The following INPP4B variants were observed in gnomAD, a reference collection of about 807,000 sequenced individuals.
INPP4B encodes the protein inositol polyphosphate-4-phosphatase type II B, also known as inositol polyphosphate 4-phosphatase type II.
In INPP4B, 55 loss-of-function variants were observed where a neutral mutation model predicts 122.5. That is an observed-to-expected ratio of 0.45 (90% CI 0.36 to 0.56). The LOEUF (loss-of-function observed/expected upper bound fraction) is 0.56. INPP4B is among the 20% of genes least tolerant of loss of function. The pLI, the probability that INPP4B is intolerant of heterozygous loss-of-function variation, is 0.00. For synonymous variants in INPP4B, 403 were observed against 388.7 expected (o/e 1.04, Z -0.43); for missense variants, 1,000 against 1,097.7 (o/e 0.91, Z 1.26).
At chr4:142,334,403 T>C (rs193270171) in intron 7 of INPP4B, among the ~76,000 whole-genome samples, 2 of 152,320 alleles carry the variant, frequency 1.3e-5, no homozygotes, top group African/African-American at 4.8e-5. Context: ...TGAATAATGC[T>C]GCAATGAACA....
chr4:142,220,131 T>A (rs143674588), intron 12 of INPP4B, among the ~76,000 whole-genome samples: 3 of 152,302 alleles, frequency 2.0e-5, no homozygotes, highest in African/African-American at 7.2e-5. Flanking sequence ...ACATTGCCAG[T>A]AAATGGTAGA....
chr4:142,734,233 C>A (rs1489644943), intron 1 of INPP4B, among the ~76,000 whole-genome samples: 1 of 152,166 alleles, frequency 6.6e-6, no homozygotes, highest in Non-Finnish European at 1.5e-5. Flanking sequence ...ATACTGTCTG[C>A]AAGTCAAGGT....
intron 14 of INPP4B, among the ~76,000 whole-genome samples, chr4:142,204,775 C>G (rs1841993274): frequency 6.6e-6 from 1 of 151,972 alleles, no homozygotes; most frequent in Non-Finnish European, 1.5e-5. Context: ...GCCAGCAAAC[C>G]AGCAGATACC....
At chr4:142,139,703 T>C (rs1806723029) in intron 18 of INPP4B, among the ~76,000 whole-genome samples, 1 of 152,200 alleles carries the variant, frequency 6.6e-6, no homozygotes, top group African/African-American at 2.4e-5. Context: ...CAGCCTTATA[T>C]GTGTTCCTAT....
intron 2 of INPP4B, among the ~76,000 whole-genome samples, chr4:142,467,000 C>T (rs1275275967): frequency 6.6e-6 from 1 of 152,194 alleles, no homozygotes; most frequent in Admixed American, 6.5e-5. Context: ...CTTGGCCACT[C>T]CCACCTAGAT....
rs889440073 is a variant in INPP4B, at chr4:142,669,177, T to C, written c.-191+56662A>G. On this transcript the variant is annotated intron_variant, in intron 2 of 25. Coordinates refer to ENST00000262992, the MANE Select transcript of INPP4B (RefSeq NM_001101669.3). ...TGAAAGAACTTTAAAATGACACAAA[T>C]AAATGGAAAGATATCCTGTGTTCTT... Among the ~76,000 whole-genome samples the C allele has an allele frequency of 2.0e-5, 3 of 151,996 alleles. No individual in the cohort carries two copies. In the East Asian group the frequency reaches 5.8e-4, roughly 29 times the overall value.
intron 5 of INPP4B, chr4:142,427,367 A>C (rs1232521897): frequency 2.2e-6 from 1 of 456,078 alleles, no homozygotes; most frequent in Non-Finnish European, 3.8e-6. Flanking sequence ...GTTGTTTCTT[A>C]GTATATTTTA....
chr4:142,378,856 T>C (rs1455596322), intron 7 of INPP4B, among the ~76,000 whole-genome samples: 1 of 152,174 alleles, frequency 6.6e-6, no homozygotes, highest in East Asian at 1.9e-4. Flanking sequence ...CCACTACCCT[T>C]GTTGCTATGA....
intron 9 of INPP4B, among the ~76,000 whole-genome samples, chr4:142,278,545 A>G (rs1749709198): frequency 1.3e-5 from 2 of 151,908 alleles, no homozygotes; most frequent in Non-Finnish European, 2.9e-5. Flanking sequence ...TATGAGGGGC[A>G]AAAAGTTACC....
chr4:142,721,374 G>T (rs569706995), intron 2 of INPP4B, among the ~76,000 whole-genome samples: 1 of 152,258 alleles, frequency 6.6e-6, no homozygotes, highest in African/African-American at 2.4e-5. Flanking sequence ...TGCTTTTGTT[G>T]GGTAGGGCAG....
At chr4:142,823,738 A>G (rs1781081131) in intron 1 of INPP4B, among the ~76,000 whole-genome samples, 1 of 152,180 alleles carries the variant, frequency 6.6e-6, no homozygotes, top group Non-Finnish European at 1.5e-5. Flanking sequence ...GTTTTGATAA[A>G]AGCTATTCTT....
intron 25 of INPP4B, among the ~76,000 whole-genome samples, chr4:142,042,803 C>T (rs915128648): frequency 1.3e-5 from 2 of 152,014 alleles, no homozygotes; most frequent in East Asian, 1.9e-4. Flanking sequence ...CCTTGTGATT[C>T]GCCCACCTCG....
chr4:142,061,187 A>G (rs1422231333), intron 25 of INPP4B, among the ~76,000 whole-genome samples: 1 of 152,250 alleles, frequency 6.6e-6, no homozygotes, highest in Non-Finnish European at 1.5e-5. Context: ...TTTATAAATC[A>G]TATAGCTGTC....
chr4:142,768,025 T>C (rs1772422211), intron 1 of INPP4B: 1 of 152,178 alleles, frequency 6.6e-6, no homozygotes, highest in African/African-American at 2.4e-5. Context: ...GCCATAGTGA[T>C]GGCTGAAATA....
At chr4:142,398,454 T>C (rs13151359) in intron 7 of INPP4B, among the ~76,000 whole-genome samples, 55,260 of 101,900 alleles carry the variant, frequency 0.54, 17,446 homozygotes, top group South Asian at 0.81. Flanking sequence ...ATAAAACATA[T>C]TAAACATAGT....
intron 2 of INPP4B, among the ~76,000 whole-genome samples, chr4:142,684,286 T>C (rs1226993746): frequency 6.6e-6 from 1 of 152,026 alleles, no homozygotes; most frequent in Non-Finnish European, 1.5e-5. Flanking sequence ...GAACACAATA[T>C]GGGCCTTACC....
chr4:142,377,051 C>T (rs1047370975), intron 7 of INPP4B, among the ~76,000 whole-genome samples: 1 of 151,838 alleles, frequency 6.6e-6, no homozygotes, highest in African/African-American at 2.4e-5. Context: ...ACTTATACTC[C>T]TATTTGATGT....
intron 2 of INPP4B, among the ~76,000 whole-genome samples, chr4:142,474,913 T>C (rs1819550104): frequency 6.6e-6 from 1 of 152,178 alleles, no homozygotes; most frequent in African/African-American, 2.4e-5. Flanking sequence ...ACCACCTGGA[T>C]GGTAAGGTAA....
intron 8 of INPP4B, among the ~76,000 whole-genome samples, chr4:142,313,802 G>A (rs2636671): frequency 0.38 from 57,896 of 152,056 alleles, 13,230 homozygotes; most frequent in Non-Finnish European, 0.51. Flanking sequence ...GCAAGACATC[G>A]CCCTTTTCCC....
Sources: gnomAD v4.1 joint callset for allele counts (sites outside exome capture counted in the v4.1 genomes callset) on GRCh38, gnomAD v4.1.1 for gene constraint, MANE v1.5 for transcripts, NCBI Gene and HGNC (gene_info 2026-07-23, HGNC 2026-07-21) for gene names.